Variants in RERE observed in about 807,000 individuals in gnomAD.
RERE encodes the protein arginine-glutamic acid dipeptide repeats.
RERE carries 40 observed loss-of-function variants against 146.1 expected under a neutral mutation model. That is an observed-to-expected ratio of 0.27 (90% confidence interval 0.21 to 0.36). The LOEUF (loss-of-function observed/expected upper bound fraction) is 0.36, where lower values mean the gene tolerates loss of function less well. RERE is among the 10% of genes least tolerant of loss of function. The probability of loss-of-function intolerance (pLI) is 1.00; values close to 1 mark genes in which losing one functional copy is unlikely to be tolerated. For synonymous variants in RERE, 1,003 were observed against 866.0 expected, an observed-to-expected ratio of 1.16 and a Z score of -2.78; for missense variants, 1,933 against 2,138.7, an observed-to-expected ratio of 0.90 and a Z score of 1.90.
intron 11 of RERE, among the ~76,000 whole-genome samples, chr1:8,445,500 T>C (rs1644304919): frequency 6.6e-6 from 1 of 152,206 alleles, no homozygotes; most frequent in Non-Finnish European, 1.5e-5. Flanking sequence ...GACTCTTTTT[T>C]ACTTATTTTA....
intron 1 of RERE, among the ~76,000 whole-genome samples, chr1:8,731,931 C>T (rs1314500151): frequency 6.6e-6 from 1 of 152,078 alleles, no homozygotes; most frequent in African/African-American, 2.4e-5. Flanking sequence ...GCCTCCCCAG[C>T]AGCTGGGACT....
At chr1:8,384,060 T>A (rs1406288233) in intron 12 of RERE, among the ~76,000 whole-genome samples, 1 of 152,166 alleles carries the variant, frequency 6.6e-6, no homozygotes, top group Non-Finnish European at 1.5e-5. Context: ...AGAATTAAGC[T>A]TGAAAGAATC....
At chr1:8,657,200 G>C (rs995414386) in intron 1 of RERE, among the ~76,000 whole-genome samples, 4 of 151,600 alleles carry the variant, frequency 2.6e-5, no homozygotes, top group African/African-American at 9.7e-5. Context: ...GGCTACTCAG[G>C]AGTCTGAGGC....
At chr1:8,485,477 T>C (rs1644886934) in intron 10 of RERE, among the ~76,000 whole-genome samples, 2 of 151,090 alleles carry the variant, frequency 1.3e-5, no homozygotes, top group African/African-American at 4.9e-5. Flanking sequence ...TAAAAAGGCA[T>C]GAAACAACTA....
chr1:8,691,336 G>T (rs1195716203), intron 1 of RERE, among the ~76,000 whole-genome samples: 1 of 152,146 alleles, frequency 6.6e-6, no homozygotes, highest in Non-Finnish European at 1.5e-5. Flanking sequence ...TTATCTCTAT[G>T]TCCTCATAAA....
intron 1 of RERE, chr1:8,805,994 G>C (rs911822778): frequency 4.6e-5 from 7 of 151,526 alleles, no homozygotes; most frequent in African/African-American, 1.7e-4. Context: ...TGAGATTACA[G>C]GCATTCGCCA....
intron 12 of RERE, among the ~76,000 whole-genome samples, chr1:8,402,271 G>A (rs1172680088): frequency 2.0e-5 from 3 of 152,162 alleles, no homozygotes; most frequent in East Asian, 1.9e-4. Flanking sequence ...GTATAGGTAC[G>A]CCAGGTTTCC....
Position 8,813,379 on chromosome 1 carries a change from C to T in RERE, c.-145+3781G>A, listed in dbSNP as rs535571188. The stretch of plus-strand genomic sequence containing the variant: ...TACTCTCAAAAGAACTTGGTATGTC[C>T]AACTTATTTTACTACTTAAATTTTT... On this transcript the variant is annotated intron_variant, in intron 1 of 22. Coordinates refer to ENST00000400908, the MANE Select transcript of RERE (RefSeq NM_001042681.2). 2.1e-4 allele frequency among the ~76,000 whole-genome samples: 32 copies of T among 152,174 alleles called. 1 individual carries two copies. In the South Asian group the frequency reaches 6.4e-3, roughly 31 times the overall value.
chr1:8,608,435 T>C (rs867589970), intron 4 of RERE, among the ~76,000 whole-genome samples: 1 of 151,806 alleles, frequency 6.6e-6, no homozygotes, highest in Non-Finnish European at 1.5e-5. Context: ...GCCCAGGAGG[T>C]TGGGGCTGCA....
At chr1:8,806,403 C>T (rs1157036573) in intron 1 of RERE, among the ~76,000 whole-genome samples, 5 of 151,862 alleles carry the variant, frequency 3.3e-5, no homozygotes, top group Admixed American at 6.6e-5. Context: ...TGGTGGTGAT[C>T]GCCTGTAACC....
At chr1:8,407,168 T>C (rs913987520) in intron 12 of RERE, among the ~76,000 whole-genome samples, 1 of 152,216 alleles carries the variant, frequency 6.6e-6, no homozygotes, top group Non-Finnish European at 1.5e-5. Context: ...ATTTTTAGCA[T>C]AGAACCTTGA....
At chr1:8,396,179 GA>G in intron 12 of RERE, among the ~76,000 whole-genome samples, 1 of 152,282 alleles carries the variant, frequency 6.6e-6, no homozygotes, top group South Asian at 2.1e-4. Flanking sequence ...CTACCATCAG[GA>G]AAGTGGGAGG....
At chr1:8,771,005 A>G (rs1281888643) in intron 1 of RERE, among the ~76,000 whole-genome samples, 1 of 152,198 alleles carries the variant, frequency 6.6e-6, no homozygotes, top group Admixed American at 6.5e-5. Flanking sequence ...TTTGTGGTTA[A>G]GATTAAAAAG....
At chr1:8,416,459 G>T (rs1005808907) in intron 12 of RERE, among the ~76,000 whole-genome samples, 1 of 151,684 alleles carries the variant, frequency 6.6e-6, no homozygotes, top group African/African-American at 2.4e-5. Flanking sequence ...GGTGGCGGGC[G>T]CCTGTAGTCC....
rs58647657 is a variant in RERE at position 8,507,737 on chromosome 1, C to CTTTTTTTTTTTTT, written c.879+877_879+889dup. 2.4e-3 allele frequency among the ~76,000 whole-genome samples: 208 copies of CTTTTTTTTTTTTT among 85,930 alleles called. 22 individuals carry two copies. The highest frequency in any genetic ancestry group is 7.6e-3 in the East Asian group (20 of 2,622). The allele number at this position is 85,930 out of a possible 152,430, so 56.4% of individuals were successfully genotyped here. On this transcript the variant is annotated intron_variant, in intron 8 of 22. Coordinates refer to ENST00000400908, the MANE Select transcript of RERE (RefSeq NM_001042681.2). The stretch of plus-strand genomic sequence containing the variant: ...AAAAGAGGTTTTAAACATCTTTTAT[C>CTTTTTTTTTTTTT]TTTTTTTTTTTTTTTTTTTGAGACA...
At position 8,750,716 on chromosome 1, in the gene RERE, G is replaced by A; in HGVS notation, c.-145+66444C>T. 4 of 799,236 alleles carry A rather than the reference G, an allele frequency of 5.0e-6. No homozygotes were observed. The South Asian group carries it at 5.3e-5, about 11-fold the overall frequency. 49.5% of individuals were successfully genotyped at this position (799,236 alleles called of 1,614,324 possible). ...ATTGGCCTTTGTCATCAGGACCAGA[G>A]GTATCAATGGTGTGAGCCCAGAGGT... On this transcript the variant is annotated intron_variant, in intron 1 of 22. Coordinates refer to ENST00000400908, the MANE Select transcript of RERE (RefSeq NM_001042681.2).
chr1:8,492,154 AGTCTG>A (rs1387586657), intron 10 of RERE, among the ~76,000 whole-genome samples: 2 of 152,226 alleles, frequency 1.3e-5, no homozygotes, highest in Non-Finnish European at 2.9e-5. Flanking sequence ...ATGTCAGGCT[AGTCTG>A]AAGAGTTTCA....
chr1:8,761,041 G>A (rs751140444), intron 1 of RERE, among the ~76,000 whole-genome samples: 1 of 152,112 alleles, frequency 6.6e-6, no homozygotes, highest in Non-Finnish European at 1.5e-5. Context: ...ACAGAGAGGT[G>A]GCAGAACAAG....
intron 4 of RERE, among the ~76,000 whole-genome samples, chr1:8,595,717 C>T (rs1185795529): frequency 1.3e-5 from 2 of 152,040 alleles, no homozygotes; most frequent in Admixed American, 1.3e-4. Flanking sequence ...CTTACAATAC[C>T]TATCCACTAG....
Sources: gnomAD v4.1 joint callset for allele counts (sites outside exome capture counted in the v4.1 genomes callset) on GRCh38, gnomAD v4.1.1 for gene constraint, MANE v1.5 for transcripts, NCBI Gene and HGNC (gene_info 2026-07-23, HGNC 2026-07-21) for gene names.